The following FSTL5 variants were observed in gnomAD, a reference collection of about 807,000 sequenced individuals.
The protein encoded by FSTL5 is follistatin like 5.
Under a neutral mutation model 89.1 loss-of-function variants are expected in FSTL5, and 62 were observed. The ratio of observed to expected loss-of-function variants is 0.70; its 90% CI spans 0.57 to 0.86. The LOEUF is 0.86. FSTL5 is among the 40% of genes least tolerant of loss of function. FSTL5 has a pLI of 0.00. For missense variants in FSTL5, 1,057 were observed against 1,001.6 expected (o/e 1.06, Z -0.75); for synonymous variants, 383 against 346.2 (o/e 1.11, Z -1.18).
intron 3 of FSTL5, among the ~76,000 whole-genome samples, chr4:162,029,146 G>GGGGAGA (rs1336418948): frequency 7.2e-6 from 1 of 139,202 alleles, no homozygotes; most frequent in Non-Finnish European, 1.5e-5. Context: ...TGTACATGAG[G>GGGGAGA]GAGAGAGAGA....
intron 15 of FSTL5, among the ~76,000 whole-genome samples, chr4:161,389,751 G>GGCAT (rs1360491606): frequency 1.3e-5 from 2 of 152,056 alleles, no homozygotes; most frequent in Non-Finnish European, 2.9e-5. Context: ...TATACTACCA[G>GGCAT]GCATGCAGTA....
chr4:161,985,956 A>T (rs141257606), intron 3 of FSTL5, among the ~76,000 whole-genome samples: 1 of 152,254 alleles, frequency 6.6e-6, no homozygotes, highest in South Asian at 2.1e-4. Flanking sequence ...AATCATGTGT[A>T]ACTGTCACAA....
chr4:161,873,669 A>G (rs1239079038), intron 4 of FSTL5, among the ~76,000 whole-genome samples: 1 of 149,550 alleles, frequency 6.7e-6, no homozygotes, highest in African/African-American at 2.5e-5. Context: ...ACTTTAAAAC[A>G]TTTCCTATAT....
At chr4:161,620,024 C>T (rs1030965047) in intron 7 of FSTL5, among the ~76,000 whole-genome samples, 10 of 151,874 alleles carry the variant, frequency 6.6e-5, no homozygotes, top group East Asian at 1.9e-4. Flanking sequence ...AAATGATGAG[C>T]TCATGTCCTT....
intron 8 of FSTL5, among the ~76,000 whole-genome samples, chr4:161,564,716 A>T (rs1384003241): frequency 6.6e-6 from 1 of 151,444 alleles, no homozygotes; most frequent in Admixed American, 6.6e-5. Context: ...CCAAAGACAT[A>T]ATTATTATTA....
chr4:161,969,314 G>T (rs1400900544), intron 3 of FSTL5, among the ~76,000 whole-genome samples: 1 of 152,040 alleles, frequency 6.6e-6, no homozygotes, highest in Non-Finnish European at 1.5e-5. Context: ...CCACCCAAGT[G>T]TTGAAAATAA....
intron 4 of FSTL5, among the ~76,000 whole-genome samples, chr4:161,830,349 A>T (rs971883588): frequency 5.9e-5 from 9 of 152,060 alleles, no homozygotes; most frequent in African/African-American, 2.2e-4. Context: ...GATAGTAAGG[A>T]TTAACAGTAA....
chr4:162,155,901 C>T (rs1218975097), intron 1 of FSTL5, among the ~76,000 whole-genome samples: 1 of 152,116 alleles, frequency 6.6e-6, no homozygotes, highest in Non-Finnish European at 1.5e-5. Context: ...TTTAAAGCAG[C>T]AGAGAGTGTC....
intron 1 of FSTL5, among the ~76,000 whole-genome samples, chr4:162,151,575 C>T (rs576614175): frequency 1.9e-4 from 29 of 152,296 alleles, no homozygotes; most frequent in African/African-American, 7.0e-4. Context: ...TTACAGAAGT[C>T]TCTTGTATAC....
intron 4 of FSTL5, among the ~76,000 whole-genome samples, chr4:161,847,003 T>A (rs1056545885): frequency 3.3e-5 from 5 of 152,230 alleles, no homozygotes; most frequent in African/African-American, 1.2e-4. Context: ...TTGACTTTGC[T>A]GTTATTTCAA....
intron 6 of FSTL5, among the ~76,000 whole-genome samples, chr4:161,726,227 C>CTTTTTTTTTTTTTT (rs5863477): frequency 1.3e-3 from 143 of 113,616 alleles, no homozygotes; most frequent in Middle Eastern, 6.5e-3. Context: ...TTTTCTTTTT[C>CTTTTTTTTTTTTTT]TTTTTTTTTT....
At chr4:161,890,472 G>A (rs575164686) in intron 4 of FSTL5, among the ~76,000 whole-genome samples, 3 of 151,942 alleles carry the variant, frequency 2.0e-5, no homozygotes, top group Admixed American at 6.6e-5. Flanking sequence ...GGCAGATCAC[G>A]AGGTCAGGAG....
rs1436894119 is a variant in FSTL5 at position 161,384,021 on chromosome 4, A to C, written c.*1726T>G. On this transcript the variant is annotated 3_prime_UTR_variant, in exon 16 of 16. Transcript: ENST00000306100. ...TACATGAAATCATTAAGTCACAGAC[A>C]CTTTATATGGTTCATGTTCACAAGG... 1 of 152,324 alleles carries C rather than the reference A, an allele frequency of 6.6e-6. No individual in the cohort carries two copies. The highest frequency in any genetic ancestry group is 6.5e-5 in the Admixed American group (1 of 15,302). 9.4% of individuals were successfully genotyped at this position (152,324 alleles called of 1,614,324 possible). A position where few individuals can be genotyped will look rare whatever the true frequency, so the allele number is the denominator to read the frequency against.
intron 6 of FSTL5, among the ~76,000 whole-genome samples, chr4:161,756,774 A>G (rs1322680871): frequency 6.6e-6 from 1 of 152,160 alleles, no homozygotes; most frequent in East Asian, 1.9e-4. Context: ...ATAACAGATT[A>G]CTCATTCACA....
intron 5 of FSTL5, among the ~76,000 whole-genome samples, chr4:161,759,943 T>C (rs1740728209): frequency 6.6e-6 from 1 of 152,142 alleles, no homozygotes; most frequent in Non-Finnish European, 1.5e-5. Context: ...ACAAAAATAG[T>C]GAGACAGTTT....
At chr4:162,107,280 C>T (rs978338316) in intron 2 of FSTL5, among the ~76,000 whole-genome samples, 2 of 152,072 alleles carry the variant, frequency 1.3e-5, no homozygotes, top group East Asian at 1.9e-4. Flanking sequence ...CCAGTTTCCC[C>T]GTTTACAAAA....
At chr4:161,549,937 C>T (rs1343326804) in intron 8 of FSTL5, among the ~76,000 whole-genome samples, 1 of 151,862 alleles carries the variant, frequency 6.6e-6, no homozygotes, top group Non-Finnish European at 1.5e-5. Context: ...GTCAATCCTC[C>T]AGACTTACTA....
intron 6 of FSTL5, among the ~76,000 whole-genome samples, chr4:161,710,867 A>T (rs1439714257): frequency 6.6e-6 from 1 of 152,210 alleles, no homozygotes; most frequent in East Asian, 1.9e-4. Context: ...AGTGGATTAA[A>T]TTACAACTCT....
At chr4:161,533,108 C>T (rs1001907836) in intron 10 of FSTL5, among the ~76,000 whole-genome samples, 9 of 151,168 alleles carry the variant, frequency 6.0e-5, no homozygotes, top group Non-Finnish European at 1.3e-4. Context: ...GTGGTAAATA[C>T]CTGCATCAAG....
Sources: allele counts gnomAD v4.1 joint callset (sites outside exome capture counted in the v4.1 genomes callset), GRCh38; gene constraint gnomAD v4.1.1; transcripts MANE v1.5; gene names NCBI Gene and HGNC (gene_info 2026-07-23, HGNC 2026-07-21).